The following RWDD2B variants were observed in gnomAD, a reference collection of about 807,000 sequenced individuals.
RWDD2B encodes RWD domain containing 2B.
A neutral mutation model predicts 33.6 loss-of-function variants in RWDD2B; 36 were observed. The ratio of observed to expected loss-of-function variants is 1.07; its 90% CI spans 0.82 to 1.42. RWDD2B has a LOEUF of 1.42. Ranked by LOEUF, RWDD2B falls within the 40% of genes most tolerant of loss-of-function variation. The pLI, the probability that RWDD2B is intolerant of heterozygous loss-of-function variation, is 0.00. For missense variants in RWDD2B, 364 were observed against 377.5 expected (o/e 0.96, Z 0.30); for synonymous variants, 126 against 133.1 (o/e 0.95, Z 0.37).
intron 1 of RWDD2B, among the ~76,000 whole-genome samples, chr21:29,013,025 T>C (rs1033058979): frequency 5.3e-5 from 8 of 152,024 alleles, no homozygotes; most frequent in Non-Finnish European, 1.2e-4. Flanking sequence ...TTGATCTGTC[T>C]ATAATATCAT....
At chr21:29,015,361 G>A (rs1292021319) in intron 1 of RWDD2B, among the ~76,000 whole-genome samples, 2 of 149,648 alleles carry the variant, frequency 1.3e-5, no homozygotes, top group Non-Finnish European at 3.0e-5. Context: ...CTCCTGCGTA[G>A]CTGGGATTAC....
chr21:29,015,971 C>A (rs183417913), intron 1 of RWDD2B, among the ~76,000 whole-genome samples: 19 of 152,272 alleles, frequency 1.2e-4, no homozygotes, highest in South Asian at 6.2e-4. Flanking sequence ...TGTCTGACTC[C>A]AGAACATGTT....
chr21:29,014,170 G>A (rs775353848), intron 1 of RWDD2B, among the ~76,000 whole-genome samples: 10 of 152,150 alleles, frequency 6.6e-5, no homozygotes, highest in African/African-American at 1.9e-4. Context: ...ATCCCATGGC[G>A]GAAGGCAGAG....
In RWDD2B at chr21:29,004,534, T is replaced by G. The variant is rs1036434400; in HGVS notation, c.*1883A>C. 15 of 152,242 alleles carry G rather than the reference T, an allele frequency of 9.9e-5. No individual in the cohort carries two copies. Among genetic ancestry groups the G allele is most frequent in the East Asian group, 5.8e-4 (3 of 5,204 alleles). 9.4% of individuals were successfully genotyped at this position (152,242 alleles called of 1,614,324 possible). A position where few individuals can be genotyped will look rare whatever the true frequency, so the allele number is the denominator to read the frequency against. On this transcript the variant is annotated 3_prime_UTR_variant, in exon 5 of 5. Coordinates refer to ENST00000493196, the MANE Select transcript of RWDD2B (RefSeq NM_016940.3). ...TAATATATGCATCATCTGCCCCCTTTGGTGGTAGGGATGTCAGATTCCATT... is the reference window on the plus strand; with the variant it reads ...TAATATATGCATCATCTGCCCCCTTGGGTGGTAGGGATGTCAGATTCCATT...
chr21:29,013,498 G>C (rs2084874517), intron 1 of RWDD2B, among the ~76,000 whole-genome samples: 1 of 151,984 alleles, frequency 6.6e-6, no homozygotes, highest in Non-Finnish European at 1.5e-5. Context: ...GACCATCCTG[G>C]CTAACACAGT....
At chr21:29,012,185 C>CT (rs1246644394) in intron 1 of RWDD2B, among the ~76,000 whole-genome samples, 1 of 143,388 alleles carries the variant, frequency 7.0e-6, no homozygotes, top group African/African-American at 2.9e-5. Context: ...CAGCCCCCCC[C>CT]CGGGAGGTGA....
intron 1 of RWDD2B, among the ~76,000 whole-genome samples, chr21:29,012,961 T>C (rs1351195995): frequency 6.6e-6 from 1 of 152,160 alleles, no homozygotes; most frequent in Non-Finnish European, 1.5e-5. Context: ...TTTCAACATA[T>C]GTTAAGTGCC....
intron 1 of RWDD2B, among the ~76,000 whole-genome samples, chr21:29,014,078 A>C (rs1364662105): frequency 4.6e-5 from 7 of 152,204 alleles, no homozygotes; most frequent in African/African-American, 1.7e-4. Context: ...GATGAAGAGA[A>C]ATTTATTTGG....
At chr21:29,012,186 C>CT (rs1555851467) in intron 1 of RWDD2B, among the ~76,000 whole-genome samples, 3 of 145,220 alleles carry the variant, frequency 2.1e-5, no homozygotes, top group African/African-American at 7.7e-5. Flanking sequence ...AGCCCCCCCC[C>CT]GGGAGGTGAG....
intron 1 of RWDD2B, among the ~76,000 whole-genome samples, chr21:29,015,450 C>T (rs1376624092): frequency 1.3e-5 from 2 of 150,386 alleles, no homozygotes; most frequent in African/African-American, 2.5e-5. Flanking sequence ...AGGCTGGTCT[C>T]GAAATCCTGA....
intron 1 of RWDD2B, among the ~76,000 whole-genome samples, chr21:29,015,267 G>A (rs1291126822): frequency 5.2e-5 from 4 of 76,294 alleles, no homozygotes; most frequent in Non-Finnish European, 9.3e-5. Context: ...GTCTCACTTT[G>A]TCACCCAGGC....
At chr21:29,017,283 T>C (rs2084895098) in intron 1 of RWDD2B, among the ~76,000 whole-genome samples, 1 of 152,136 alleles carries the variant, frequency 6.6e-6, no homozygotes, top group Admixed American at 6.5e-5. Flanking sequence ...ACAACTCTAC[T>C]GGTGGGAGGA....
At chr21:29,012,570 G>C (rs908803229) in intron 1 of RWDD2B, among the ~76,000 whole-genome samples, 1 of 151,660 alleles carries the variant, frequency 6.6e-6, no homozygotes, top group Non-Finnish European at 1.5e-5. Flanking sequence ...GATGCTTGAA[G>C]GCAGCATGCT....
rs559989887 is a variant in RWDD2B at position 29,011,180 on chromosome 21, G to C, written c.68-2559C>G. On this transcript the variant is annotated intron_variant, in intron 1 of 4. Coordinates refer to ENST00000493196, the MANE Select transcript of RWDD2B (RefSeq NM_016940.3). ...TGCCTGGCTGCCTAGTCTGGAAAGT[G>C]AGGAGCGTCTCTGCCCAGCCGCCCT... Among the ~76,000 whole-genome samples, 8 of 150,950 alleles carry C rather than the reference G, an allele frequency of 5.3e-5. No homozygotes were observed. The South Asian group carries it at 1.7e-3, about 32-fold the overall frequency.
chr21:29,010,088 A>G (rs948867209), intron 1 of RWDD2B, among the ~76,000 whole-genome samples: 4 of 152,188 alleles, frequency 2.6e-5, no homozygotes, highest in Admixed American at 6.5e-5. Flanking sequence ...TTTTACTAAT[A>G]TGAACAATCC....
At chr21:29,016,452 T>A (rs993579271) in intron 1 of RWDD2B, among the ~76,000 whole-genome samples, 5 of 152,132 alleles carry the variant, frequency 3.3e-5, no homozygotes, top group Non-Finnish European at 7.3e-5. Context: ...TTAGTAGAGA[T>A]GGAGTTACAC....
intron 1 of RWDD2B, among the ~76,000 whole-genome samples, chr21:29,018,453 A>G (rs1169821593): frequency 1.3e-5 from 2 of 152,202 alleles, no homozygotes; most frequent in South Asian, 2.1e-4. Context: ...TTGGAACTAT[A>G]TATTTGTTTA....
chr21:29,004,952 C>T lies in RWDD2B; in HGVS notation c.*1465G>A, dbSNP rs1028994241. 6.6e-6 allele frequency: 1 copy of T among 152,208 alleles called. No individual in the cohort carries two copies. The highest frequency in any genetic ancestry group is 1.5e-5 in the Non-Finnish European group (1 of 68,048). 9.4% of individuals were successfully genotyped at this position (152,208 alleles called of 1,614,324 possible). Reference sequence around the variant, plus strand: ...TACTAACTTAATGCATTGTCTCTCACCCCAACTCCATTCCTTAACCAAGTC... The same window carrying T: ...TACTAACTTAATGCATTGTCTCTCATCCCAACTCCATTCCTTAACCAAGTC... On this transcript the variant is annotated 3_prime_UTR_variant, in exon 5 of 5. Transcript: ENST00000493196.
intron 1 of RWDD2B, among the ~76,000 whole-genome samples, chr21:29,012,762 T>C (rs996313114): frequency 1.5e-4 from 19 of 129,126 alleles, no homozygotes; most frequent in Admixed American, 3.8e-4. Flanking sequence ...CACCCAAGAA[T>C]GATCAATTAA....
Sources: gnomAD v4.1 joint callset for allele counts (sites outside exome capture counted in the v4.1 genomes callset) on GRCh38, gnomAD v4.1.1 for gene constraint, MANE v1.5 for transcripts, NCBI Gene and HGNC (gene_info 2026-07-23, HGNC 2026-07-21) for gene names.